DPP10: variants seen among roughly 807,000 people sequenced by gnomAD.
DPP10 encodes inactive dipeptidyl peptidase 10.
A neutral mutation model predicts 120.9 loss-of-function variants in DPP10; 33 were observed. That is an observed-to-expected ratio of 0.27 (90% CI 0.21 to 0.37). The LOEUF is 0.37. Ranked by LOEUF, DPP10 falls within the 10% of genes least tolerant of loss-of-function variation. The pLI, the probability that DPP10 is intolerant of heterozygous loss-of-function variation, is 1.00. For missense variants in DPP10, 816 were observed against 942.8 expected, an observed-to-expected ratio of 0.87 and a Z score of 1.76; for synonymous variants, 337 against 326.1, an observed-to-expected ratio of 1.03 and a Z score of -0.36.
At chr2:114,693,170 T>C (rs1699870867) in intron 1 of DPP10, among the ~76,000 whole-genome samples, 1 of 151,998 alleles carries the variant, frequency 6.6e-6, no homozygotes, top group Middle Eastern at 3.2e-3. Context: ...TGCTTCATAG[T>C]GTCACTGGTC....
intron 1 of DPP10, among the ~76,000 whole-genome samples, chr2:115,148,859 C>G (rs2051377346): frequency 1.3e-5 from 2 of 152,204 alleles, no homozygotes; most frequent in Non-Finnish European, 1.5e-5. Flanking sequence ...TAACCACCCT[C>G]TTGACTTTCA....
At chr2:115,733,802 T>C (rs1167686463) in intron 8 of DPP10, among the ~76,000 whole-genome samples, 1 of 152,218 alleles carries the variant, frequency 6.6e-6, no homozygotes, top group East Asian at 1.9e-4. Flanking sequence ...TAAAACCACA[T>C]GTGCTGAAAA....
chr2:115,169,664 T>C (rs2105046098), intron 1 of DPP10, among the ~76,000 whole-genome samples: 1 of 152,288 alleles, frequency 6.6e-6, no homozygotes, highest in African/African-American at 2.4e-5. Context: ...ACTTAGAAAT[T>C]CTTTGCATAC....
intron 1 of DPP10, among the ~76,000 whole-genome samples, chr2:114,792,123 G>GT (rs1333390077): frequency 1.3e-5 from 2 of 151,994 alleles, no homozygotes; most frequent in Non-Finnish European, 2.9e-5. Flanking sequence ...TGGCTTATAT[G>GT]TTTTTTATCA....
rs13428802 is a variant in DPP10 at position 114,910,722 on chromosome 2, A to G, written c.61-398517A>G. Reference sequence around the variant, plus strand: ...TTTTGTGCATAAGAAATCTGGAGCAACGATCTTTAAAATAGACTCCACATA... The same window carrying G: ...TTTTGTGCATAAGAAATCTGGAGCAGCGATCTTTAAAATAGACTCCACATA... On this transcript the variant is annotated intron_variant, in intron 1 of 25. Coordinates refer to ENST00000410059, the MANE Select transcript of DPP10 (RefSeq NM_020868.6). 9.8e-3 allele frequency among the ~76,000 whole-genome samples: 1,493 copies of G among 152,252 alleles called. 19 individuals are homozygous for G. Among genetic ancestry groups the G allele is most frequent in the African/African-American group, 0.035 (1,439 of 41,572 alleles).
chr2:115,725,522 A>G (rs931568941), intron 7 of DPP10, among the ~76,000 whole-genome samples: 1 of 152,210 alleles, frequency 6.6e-6, no homozygotes, highest in Admixed American at 6.5e-5. Context: ...TGTCAGTTTC[A>G]TATGGATTCT....
intron 1 of DPP10, among the ~76,000 whole-genome samples, chr2:114,772,267 C>T (rs1681336972): frequency 6.6e-6 from 1 of 151,906 alleles, no homozygotes; most frequent in Admixed American, 6.6e-5. Context: ...AAGCTATTCT[C>T]CTGCCTCAGC....
intron 1 of DPP10, among the ~76,000 whole-genome samples, chr2:115,172,402 A>C (rs1373333967): frequency 6.6e-6 from 1 of 151,744 alleles, no homozygotes; most frequent in African/African-American, 2.4e-5. Flanking sequence ...AAAAAAAGCT[A>C]TTTCCAGAAG....
chr2:114,682,766 GTCTGTCTATCTA>G (rs1208234777), intron 1 of DPP10, among the ~76,000 whole-genome samples: 4 of 140,422 alleles, frequency 2.8e-5, no homozygotes, highest in African/African-American at 5.7e-5. Context: ...CTATCTATCT[GTCTGTCTATCTA>G]TCTATCTATC....
At chr2:115,616,521 AT>A (rs2084513423) in intron 5 of DPP10, among the ~76,000 whole-genome samples, 1 of 152,036 alleles carries the variant, frequency 6.6e-6, no homozygotes, top group Non-Finnish European at 1.5e-5. Flanking sequence ...CACATTTCCA[AT>A]TTTGCCAGCA....
chr2:114,482,878 C>T (rs781245636), intron 1 of DPP10, among the ~76,000 whole-genome samples: 5 of 152,204 alleles, frequency 3.3e-5, no homozygotes, highest in Non-Finnish European at 7.3e-5. Context: ...ACAATAACTT[C>T]AGTCACCAAG....
chr2:115,276,281 A>G (rs2059919268), intron 1 of DPP10, among the ~76,000 whole-genome samples: 1 of 152,160 alleles, frequency 6.6e-6, no homozygotes, highest in African/African-American at 2.4e-5. Context: ...AAGGTTGCTG[A>G]TGAATCCTGT....
intron 3 of DPP10, among the ~76,000 whole-genome samples, chr2:115,409,076 T>A (rs1346987544): frequency 1.3e-5 from 2 of 152,022 alleles, no homozygotes; most frequent in East Asian, 1.9e-4. Context: ...TTAATTAGAT[T>A]GACCAAGAAA....
chr2:115,199,364 T>G (rs1009572620), intron 1 of DPP10, among the ~76,000 whole-genome samples: 9 of 152,136 alleles, frequency 5.9e-5, no homozygotes, highest in Admixed American at 4.6e-4. Flanking sequence ...ACTATCACTG[T>G]CAGGTAAATT....
chr2:115,318,048 T>A (rs1027774457), intron 2 of DPP10, among the ~76,000 whole-genome samples: 33 of 152,060 alleles, frequency 2.2e-4, no homozygotes, highest in South Asian at 2.1e-4. Flanking sequence ...CTGTCTTTTG[T>A]TTTTTTTAAA....
At chr2:115,661,032 A>C (rs12992429) in intron 5 of DPP10, among the ~76,000 whole-genome samples, 45,051 of 151,628 alleles carry the variant, frequency 0.3, 8,257 homozygotes, top group African/African-American at 0.52. Flanking sequence ...CTCACTGCAA[A>C]CTCTGCCTCC....
chr2:115,107,053 C>T (rs1476143113), intron 1 of DPP10, among the ~76,000 whole-genome samples: 6 of 148,586 alleles, frequency 4.0e-5, no homozygotes, highest in East Asian at 2.0e-4. Flanking sequence ...CCAGCCTGGG[C>T]GACAGAGCTA....
chr2:115,012,274 T>C (rs147975318), intron 1 of DPP10, among the ~76,000 whole-genome samples: 2 of 152,116 alleles, frequency 1.3e-5, no homozygotes, highest in South Asian at 2.1e-4. Flanking sequence ...CTGAGGAACC[T>C]GAATACTGAA....
intron 1 of DPP10, among the ~76,000 whole-genome samples, chr2:114,780,377 G>C (rs1465234832): frequency 6.6e-6 from 1 of 151,886 alleles, no homozygotes; most frequent in Non-Finnish European, 1.5e-5. Context: ...TATATTCTTT[G>C]GAAAATCTAA....
Sources: allele counts gnomAD v4.1 joint callset (sites outside exome capture counted in the v4.1 genomes callset), GRCh38; gene constraint gnomAD v4.1.1; transcripts MANE v1.5; gene names NCBI Gene and HGNC (gene_info 2026-07-23, HGNC 2026-07-21).